Variants in LDB3 observed in about 807,000 individuals in gnomAD.
LDB3 encodes LIM domain-binding protein 3.
LDB3 carries 49 observed loss-of-function variants against 69.0 expected under a neutral mutation model. That is an observed-to-expected ratio of 0.71 (90% CI 0.56 to 0.90). The LOEUF (loss-of-function observed/expected upper bound fraction) is 0.90. Among genes scored for constraint, LDB3 ranks in the 40% least tolerant of loss-of-function variants. LDB3 has a pLI of 0.00. For synonymous variants in LDB3, 387 were observed against 396.2 expected (o/e 0.98, Z 0.28); for missense variants, 928 against 974.1 (o/e 0.95, Z 0.63).
rs1369447812 is a variant in LDB3 at position 86,718,808 on chromosome 10, C to T, written c.1939C>T (p.Leu647Phe). The change falls in exon 12 of 14, where the codon CTC (leucine) becomes TTC (phenylalanine). Residue 647 changes from leucine to phenylalanine, a missense_variant. By Grantham distance (22) the Leu-to-Phe change is conservative. Transcript: ENST00000361373. ...CTGCAAGAAGCCTTTTGGGAACAGC[C>T]TCTTCCACATGGAAGACGGGGAGCC... Reference protein sequence around the residue: ...AACKKPFGNSLFHMEDGEPYC... With the variant: ...AACKKPFGNSFFHMEDGEPYC... 1.2e-6 allele frequency: 2 copies of T among 1,614,060 alleles called. No homozygotes were observed.
At chr10:86,712,959 G>A (rs1241560214) in intron 9 of LDB3, among the ~76,000 whole-genome samples, 4 of 152,150 alleles carry the variant, frequency 2.6e-5, no homozygotes, top group South Asian at 4.2e-4. Context: ...TACTCGGGAG[G>A]CTATGGCAGG....
At chr10:86,729,476 C>A (rs1458061896) in intron 13 of LDB3, among the ~76,000 whole-genome samples, 1 of 152,202 alleles carries the variant, frequency 6.6e-6, no homozygotes. Flanking sequence ...AGTAATATAA[C>A]TTTTGTAGGC....
intron 13 of LDB3, among the ~76,000 whole-genome samples, chr10:86,728,586 G>GTGTTTTTTTTTGTTT (rs1554868915): frequency 4.6e-5 from 6 of 131,452 alleles, no homozygotes; most frequent in East Asian, 2.3e-4. Flanking sequence ...TGGTTCTTTT[G>GTGTTTTTTTTTGTTT]TTTTTTTTTT....
chr10:86,702,939 G>T (rs1846317410), intron 7 of LDB3, among the ~76,000 whole-genome samples: 1 of 152,168 alleles, frequency 6.6e-6, no homozygotes, highest in African/African-American at 2.4e-5. Flanking sequence ...ATACCTGGTG[G>T]TGATCATCGT....
At chr10:86,673,315 C>T (rs949549600) in intron 2 of LDB3, among the ~76,000 whole-genome samples, 1 of 152,172 alleles carries the variant, frequency 6.6e-6, no homozygotes, top group Non-Finnish European at 1.5e-5. Flanking sequence ...TGGCTTTGGA[C>T]ACAGAAGGTC....
chr10:86,724,191 A>G (rs1847179218), intron 12 of LDB3, among the ~76,000 whole-genome samples: 1 of 152,126 alleles, frequency 6.6e-6, no homozygotes, highest in African/African-American at 2.4e-5. Context: ...CATGCCTGCA[A>G]TCCCAGCTAC....
At chr10:86,680,011 G>A in intron 3 of LDB3, 71 bp from the exon 4 acceptor site, 1 of 1,358,302 alleles carries the variant, frequency 7.4e-7, no homozygotes, top group Non-Finnish European at 1.1e-6. Flanking sequence ...CTCCTCACCA[G>A]CCCTGCCCAG....
chr10:86,697,282 C>T (rs938211999), intron 7 of LDB3, among the ~76,000 whole-genome samples: 28 of 126,874 alleles, frequency 2.2e-4, no homozygotes, highest in South Asian at 2.6e-4. Context: ...AGTGCAGTGG[C>T]GCGATCTCGG....
chr10:86,695,885 G>A (rs1318196706), intron 7 of LDB3, among the ~76,000 whole-genome samples: 1 of 152,192 alleles, frequency 6.6e-6, no homozygotes, highest in African/African-American at 2.4e-5. Flanking sequence ...AGCCCAGCAT[G>A]TAACCCAGAC....
At chr10:86,708,304 A>T (rs996212012) in intron 8 of LDB3, among the ~76,000 whole-genome samples, 1 of 152,260 alleles carries the variant, frequency 6.6e-6, no homozygotes, top group Non-Finnish European at 1.5e-5. Context: ...CACTCTGAGC[A>T]AAGCTACCTC....
chr10:86,681,401 CT>C, intron 4 of LDB3, 34 bp from the exon 5 acceptor site: 1 of 1,598,444 alleles, frequency 6.3e-7, no homozygotes, highest in South Asian at 1.1e-5. Context: ...TAACCGCTCT[CT>C]TCTCTCTCCC....
At chr10:86,693,481 A>G (rs1240952861) in intron 7 of LDB3, among the ~76,000 whole-genome samples, 1 of 152,248 alleles carries the variant, frequency 6.6e-6, no homozygotes, top group African/African-American at 2.4e-5. Context: ...CCCAACACTC[A>G]GTGGCCATGT....
chr10:86,706,589 G>A lies in LDB3; in HGVS notation c.955G>A (p.Ala319Thr), dbSNP rs151219713. The change falls in exon 8 of 14, where the codon GCT becomes ACT. Residue 319 changes from alanine to threonine, a missense_variant. Coordinates refer to ENST00000361373, the MANE Select transcript of LDB3 (RefSeq NM_007078.3). The stretch of plus-strand genomic sequence containing the variant: ...CCAGGCCACCACCCCGCTGCTGCCC[G>A]CTTCTGCCCAGCCACCTGCTGCTGC... ...TSQATTPLLPASAQPPAAASP... is the reference protein window; with the variant it reads ...TSQATTPLLPTSAQPPAAASP... 6.8e-5 allele frequency: 110 copies of A among 1,613,062 alleles called. No homozygotes were observed. The highest frequency in any genetic ancestry group is 2.5e-4 in the East Asian group (11 of 44,868).
chr10:86,698,818 G>A (rs1846122617), intron 7 of LDB3, among the ~76,000 whole-genome samples: 1 of 152,160 alleles, frequency 6.6e-6, no homozygotes, highest in South Asian at 2.1e-4. Flanking sequence ...GGGGATAGGT[G>A]CTCCTTCTTC....
chr10:86,684,437 G>T (rs765471338), intron 5 of LDB3, among the ~76,000 whole-genome samples: 17 of 152,258 alleles, frequency 1.1e-4, no homozygotes, highest in Non-Finnish European at 1.9e-4. Context: ...CTCTGCAGGG[G>T]GCCCTGGGCT....
intron 5 of LDB3, among the ~76,000 whole-genome samples, chr10:86,686,818 A>AG (rs1845499223): frequency 6.6e-6 from 1 of 151,054 alleles, no homozygotes; most frequent in African/African-American, 2.4e-5. Flanking sequence ...AAAAAAAAAA[A>AG]AAAGAAAGAA....
At chr10:86,705,682 C>T (rs1316984360) in intron 7 of LDB3, among the ~76,000 whole-genome samples, 2 of 152,242 alleles carry the variant, frequency 1.3e-5, no homozygotes, top group Non-Finnish European at 2.9e-5. Flanking sequence ...CTGGTCCACA[C>T]TGGCAGTGTG....
chr10:86,718,021 C>CT lies in LDB3; in HGVS notation c.1735dup (p.Tyr579LeufsTer21). 6.2e-7 allele frequency: 1 copy of CT among 1,614,158 alleles called. No individual in the cohort carries two copies. The highest frequency in any genetic ancestry group is 1.1e-5 in the South Asian group (1 of 91,076). On this transcript the variant is annotated frameshift_variant, in exon 11 of 14. Coordinates refer to ENST00000361373, the MANE Select transcript of LDB3 (RefSeq NM_007078.3). LOFTEE classifies it high-confidence loss of function. ...GGCACCCTGAAGAGTTCACCTGTGC[C>CT]TACTGCAAGACTTCCCTGGCAGATG... is the stretch of plus-strand genomic sequence containing the variant.
At chr10:86,715,181 G>A (rs757470218) in intron 9 of LDB3, among the ~76,000 whole-genome samples, 5 of 152,210 alleles carry the variant, frequency 3.3e-5, no homozygotes, top group Non-Finnish European at 7.3e-5. Context: ...GGGCAGAGGC[G>A]GGGTGTGGGT....
Sources: gnomAD v4.1 joint callset for allele counts (sites outside exome capture counted in the v4.1 genomes callset) on GRCh38, gnomAD v4.1.1 for gene constraint, MANE v1.5 for transcripts, NCBI Gene and HGNC (gene_info 2026-07-23, HGNC 2026-07-21) for gene names.